MMP26: variants seen among roughly 807,000 people sequenced by gnomAD.
The protein encoded by MMP26 is matrix metalloproteinase-26.
MMP26 carries 33 observed loss-of-function variants against 31.0 expected under a neutral mutation model. The observed-to-expected ratio is 1.06, with a 90% CI of 0.81 to 1.42. The LOEUF (loss-of-function observed/expected upper bound fraction) is 1.42, where lower values mean the gene tolerates loss of function less well. MMP26 is among the 40% of genes most tolerant of loss of function. The pLI is 0.00. For synonymous variants in MMP26, 122 were observed against 114.9 expected (o/e 1.06, Z -0.40); for missense variants, 347 against 316.1 (o/e 1.10, Z -0.74).
At chr11:4,857,165 A>G (rs1480439437) in intron 2 of MMP26, among the ~76,000 whole-genome samples, 3 of 152,148 alleles carry the variant, frequency 2.0e-5, no homozygotes, top group Non-Finnish European at 4.4e-5. Flanking sequence ...TAAAAGAACT[A>G]GAGAAGGAAG....
intron 2 of MMP26, among the ~76,000 whole-genome samples, chr11:4,824,751 A>G (rs554439232): frequency 2.0e-5 from 3 of 152,262 alleles, no homozygotes; most frequent in Admixed American, 1.3e-4. Flanking sequence ...ATCATATCCA[A>G]TCTTGAAACA....
chr11:4,728,207 C>T (rs1463850545), intron 1 of MMP26, among the ~76,000 whole-genome samples: 1 of 152,172 alleles, frequency 6.6e-6, no homozygotes, highest in East Asian at 1.9e-4. Context: ...AGTAATTTAA[C>T]ATAGGGAAAT....
At chr11:4,744,668 G>A (rs1199072269) in intron 1 of MMP26, among the ~76,000 whole-genome samples, 1 of 152,102 alleles carries the variant, frequency 6.6e-6, no homozygotes, top group African/African-American at 2.4e-5. Flanking sequence ...GTATTTGCTT[G>A]TTTTGCCTTT....
At chr11:4,830,892 C>G (rs765620794) in intron 2 of MMP26, among the ~76,000 whole-genome samples, 2 of 152,164 alleles carry the variant, frequency 1.3e-5, no homozygotes, top group African/African-American at 2.4e-5. Context: ...AAGACAAGAG[C>G]TGTGACCATT....
chr11:4,919,979 G>C (rs942531335), intron 2 of MMP26, among the ~76,000 whole-genome samples: 1 of 151,900 alleles, frequency 6.6e-6, no homozygotes, highest in African/African-American at 2.4e-5. Context: ...TTGTACACTT[G>C]GGGGTGAGAT....
chr11:4,724,056 G>A, intron 1 of MMP26: 1 of 657,918 alleles, frequency 1.5e-6, no homozygotes, highest in East Asian at 2.6e-5. Context: ...TACCACTGGG[G>A]AAAAGCTTGA....
rs1848558669 is a variant in MMP26, at chr11:4,760,564, AC to A, written c.-216-6705del. Among the ~76,000 whole-genome samples, 3 of 152,340 alleles carry A rather than the reference AC, an allele frequency of 2.0e-5. No individual in the cohort carries two copies. The South Asian group carries it at 6.2e-4, about 32-fold the overall frequency. On this transcript the variant is annotated intron_variant, in intron 1 of 7. Coordinates refer to ENST00000380390, the MANE Select transcript of MMP26 (RefSeq NM_021801.5). ...TTAACATTGAGCCAGTTTCCTTGCTACGTATCTCTACATGTGTAACTTTAAC... is the reference window on the plus strand; with the variant it reads ...TTAACATTGAGCCAGTTTCCTTGCTAGTATCTCTACATGTGTAACTTTAAC...
chr11:4,741,735 C>T (rs1279772813), intron 1 of MMP26, among the ~76,000 whole-genome samples: 2 of 151,816 alleles, frequency 1.3e-5, no homozygotes, highest in Non-Finnish European at 2.9e-5. Flanking sequence ...TGTGACAAAC[C>T]GGCACATTCT....
intron 2 of MMP26, among the ~76,000 whole-genome samples, chr11:4,974,960 G>T (rs1846716737): frequency 6.6e-6 from 1 of 151,908 alleles, no homozygotes; most frequent in South Asian, 2.1e-4. Context: ...GTCAGGGGTT[G>T]AGGTGGGGGG....
At chr11:4,855,152 C>G (rs990277065) in intron 2 of MMP26, among the ~76,000 whole-genome samples, 3 of 152,114 alleles carry the variant, frequency 2.0e-5, no homozygotes, top group Non-Finnish European at 4.4e-5. Flanking sequence ...AAAATCAGAG[C>G]GCCTCTTCTA....
chr11:4,871,929 A>G (rs1850316247), intron 2 of MMP26: 1 of 152,084 alleles, frequency 6.6e-6, no homozygotes, highest in Admixed American at 6.6e-5. Flanking sequence ...AATGGCAGAA[A>G]TTGCCCCGTG....
At chr11:4,895,260 A>G (rs1322769521) in intron 2 of MMP26, among the ~76,000 whole-genome samples, 1 of 152,188 alleles carries the variant, frequency 6.6e-6, no homozygotes, top group Non-Finnish European at 1.5e-5. Context: ...ATATACATCA[A>G]CAACCCGATT....
intron 1 of MMP26, among the ~76,000 whole-genome samples, chr11:4,739,383 C>T (rs1192264072): frequency 1.3e-5 from 2 of 152,072 alleles, no homozygotes; most frequent in African/African-American, 4.8e-5. Context: ...TGACTTTATT[C>T]TTGTCATCTG....
chr11:4,803,947 A>T (rs1365826726), intron 2 of MMP26: 2 of 1,613,386 alleles, frequency 1.2e-6, no homozygotes, highest in Non-Finnish European at 1.7e-6. Flanking sequence ...CCCCAGTTTG[A>T]TCACGACCGA....
chr11:4,900,088 A>G (rs1019515995), intron 2 of MMP26, among the ~76,000 whole-genome samples: 1 of 151,892 alleles, frequency 6.6e-6, no homozygotes. Flanking sequence ...TAAGGTGGAG[A>G]CTCAACTCTA....
intron 2 of MMP26, among the ~76,000 whole-genome samples, chr11:4,861,139 A>G (rs1164512832): frequency 6.8e-6 from 1 of 147,096 alleles, no homozygotes; most frequent in Non-Finnish European, 1.5e-5. Context: ...ATATAGATAC[A>G]CACAGTTTCC....
At chr11:4,937,695 G>A (rs146130616) in intron 2 of MMP26, 453 of 159,388 alleles carry the variant, frequency 2.8e-3, no homozygotes, top group African/African-American at 8.4e-3. Context: ...CACAGAGTCC[G>A]TAGACAACAT....
intron 5 of MMP26, among the ~76,000 whole-genome samples, chr11:4,991,053 A>G (rs1481923185): frequency 2.6e-5 from 4 of 152,200 alleles, no homozygotes; most frequent in Non-Finnish European, 5.9e-5. Context: ...ACTTACTTAT[A>G]AAAACTTTCT....
At chr11:4,819,566 ATTTTTTTTTTTT>A (rs71050433) in intron 2 of MMP26, among the ~76,000 whole-genome samples, 7 of 50,302 alleles carry the variant, frequency 1.4e-4, no homozygotes, top group Non-Finnish European at 1.3e-4. Context: ...GAGTCGACTG[ATTTTTTTTTTTT>A]TTTTTTTTTT....
Sources: allele counts gnomAD v4.1 joint callset (sites outside exome capture counted in the v4.1 genomes callset), GRCh38; gene constraint gnomAD v4.1.1; transcripts MANE v1.5; gene names NCBI Gene and HGNC (gene_info 2026-07-23, HGNC 2026-07-21).